The following CNTNAP2 variants were observed in gnomAD, a reference collection of about 807,000 sequenced individuals.
The protein encoded by CNTNAP2 is contactin-associated protein-like 2.
A neutral mutation model predicts 155.2 loss-of-function variants in CNTNAP2; 98 were observed. That is an observed-to-expected ratio of 0.63 (90% CI 0.54 to 0.75). The LOEUF is 0.75. Ranked by LOEUF, CNTNAP2 falls within the 30% of genes least tolerant of loss-of-function variation. The pLI, the probability that CNTNAP2 is intolerant of heterozygous loss-of-function variation, is 0.00. For synonymous variants in CNTNAP2, 651 were observed against 631.2 expected, an observed-to-expected ratio of 1.03 and a Z score of -0.47; for missense variants, 1,727 against 1,688.1, an observed-to-expected ratio of 1.02 and a Z score of -0.40.
chr7:147,603,925 A>G (rs1339366858), intron 12 of CNTNAP2, among the ~76,000 whole-genome samples: 2 of 151,488 alleles, frequency 1.3e-5, no homozygotes, highest in African/African-American at 4.8e-5. Flanking sequence ...CCGCATATCT[A>G]CAACTATCTG....
chr7:147,854,814 C>A (rs1257387944), intron 13 of CNTNAP2, among the ~76,000 whole-genome samples: 11 of 152,042 alleles, frequency 7.2e-5, no homozygotes, highest in Admixed American at 6.6e-4. Flanking sequence ...CTTTTTCAAC[C>A]ATAAGCTACA....
chr7:148,125,697 A>G (rs1232731047), intron 16 of CNTNAP2, among the ~76,000 whole-genome samples: 50 of 144,696 alleles, frequency 3.5e-4, no homozygotes, highest in African/African-American at 9.5e-4. Flanking sequence ...GTGTATATAT[A>G]TATAGTTTTT....
intron 13 of CNTNAP2, among the ~76,000 whole-genome samples, chr7:147,720,034 C>T (rs1796540902): frequency 6.6e-6 from 1 of 151,998 alleles, no homozygotes; most frequent in Non-Finnish European, 1.5e-5. Flanking sequence ...ACCTGATCTT[C>T]ACTCATATTC....
chr7:147,776,852 AATG>A (rs1282380601), intron 13 of CNTNAP2, among the ~76,000 whole-genome samples: 2 of 151,246 alleles, frequency 1.3e-5, no homozygotes, highest in Non-Finnish European at 3.0e-5. Context: ...AGTCCTTCCT[AATG>A]ATGTTTTATT....
intron 2 of CNTNAP2, among the ~76,000 whole-genome samples, chr7:146,800,898 C>G (rs1400998559): frequency 6.6e-6 from 1 of 151,820 alleles, no homozygotes; most frequent in Non-Finnish European, 1.5e-5. Context: ...TTCCCACATG[C>G]AATGTGGGAA....
intron 8 of CNTNAP2, among the ~76,000 whole-genome samples, chr7:147,173,142 T>C (rs1039630908): frequency 6.6e-6 from 1 of 152,194 alleles, no homozygotes; most frequent in African/African-American, 2.4e-5. Flanking sequence ...CTTGATGGTA[T>C]TAAAGTCTGC....
At chr7:147,870,877 T>C (rs1799315721) in intron 13 of CNTNAP2, among the ~76,000 whole-genome samples, 1 of 152,114 alleles carries the variant, frequency 6.6e-6, no homozygotes, top group South Asian at 2.1e-4. Context: ...ACCTCCGTGG[T>C]CTGAGGATAG....
intron 21 of CNTNAP2, among the ~76,000 whole-genome samples, chr7:148,305,592 T>A (rs1677966143): frequency 6.6e-6 from 1 of 152,204 alleles, no homozygotes; most frequent in African/African-American, 2.4e-5. Context: ...CTAAGACGCC[T>A]CAGGAAACTT....
intron 1 of CNTNAP2, among the ~76,000 whole-genome samples, chr7:146,646,421 G>T (rs1799812798): frequency 6.6e-6 from 1 of 151,926 alleles, no homozygotes; most frequent in Admixed American, 6.6e-5. Flanking sequence ...GAGGGTTCAG[G>T]TATAAATAAA....
At chr7:146,160,557 G>A (rs1017128493) in intron 1 of CNTNAP2, among the ~76,000 whole-genome samples, 25 of 152,176 alleles carry the variant, frequency 1.6e-4, no homozygotes, top group African/African-American at 5.8e-4. Flanking sequence ...ACTATGATCA[G>A]AGAATACTAC....
In CNTNAP2 at chr7:146,297,162, A is replaced by C. The variant is rs1800527839; in HGVS notation, c.97+180189A>C. On this transcript the variant is annotated intron_variant, in intron 1 of 23. Coordinates refer to ENST00000361727, the MANE Select transcript of CNTNAP2 (RefSeq NM_014141.6). The stretch of plus-strand genomic sequence containing the variant: ...ATTTCCATCATTTGTTCATTGTAAC[A>C]TTTCCCAATACTTATAGATGATATA... Among the ~76,000 whole-genome samples, 3 of 152,134 alleles carry C rather than the reference A, an allele frequency of 2.0e-5. No homozygotes were observed. The South Asian group carries it at 6.2e-4, about 31-fold the overall frequency.
intron 1 of CNTNAP2, among the ~76,000 whole-genome samples, chr7:146,262,706 G>T (rs1464915418): frequency 6.6e-6 from 1 of 152,178 alleles, no homozygotes; most frequent in Non-Finnish European, 1.5e-5. Flanking sequence ...GTGTGAAAAT[G>T]AGGGGAAGTT....
At chr7:146,776,838 T>C (rs536873495) in intron 2 of CNTNAP2, among the ~76,000 whole-genome samples, 1 of 152,324 alleles carries the variant, frequency 6.6e-6, no homozygotes, top group Admixed American at 6.5e-5. Context: ...TATCTACTCA[T>C]ACAGAGAGAG....
intron 3 of CNTNAP2, among the ~76,000 whole-genome samples, chr7:146,886,962 T>C (rs1795677526): frequency 6.6e-6 from 1 of 151,846 alleles, no homozygotes; most frequent in African/African-American, 2.4e-5. Context: ...CAGTGGATCA[T>C]AGGAAATAGA....
At chr7:148,368,191 A>G (rs922170001) in intron 21 of CNTNAP2, among the ~76,000 whole-genome samples, 3 of 152,218 alleles carry the variant, frequency 2.0e-5, no homozygotes, top group Non-Finnish European at 4.4e-5. Context: ...TAGCTCTGAC[A>G]GTGCCACAAG....
At chr7:146,580,996 C>T (rs750342828) in intron 1 of CNTNAP2, among the ~76,000 whole-genome samples, 11 of 152,128 alleles carry the variant, frequency 7.2e-5, no homozygotes, top group Non-Finnish European at 1.5e-4. Context: ...GATAGAACCA[C>T]TTGTCAAATA....
At chr7:146,486,046 C>CTTTT (rs71175651) in intron 1 of CNTNAP2, among the ~76,000 whole-genome samples, 1 of 42,572 alleles carries the variant, frequency 2.3e-5, no homozygotes, top group Non-Finnish European at 4.4e-5. Context: ...CCACAGCAGT[C>CTTTT]TTTTTTTTTT....
intron 15 of CNTNAP2, among the ~76,000 whole-genome samples, chr7:148,081,042 T>C (rs1803593952): frequency 1.3e-5 from 2 of 152,210 alleles, no homozygotes; most frequent in African/African-American, 4.8e-5. Context: ...ATTTATATCA[T>C]GCATCTGCTA....
At chr7:146,258,880 T>A (rs1184151621) in intron 1 of CNTNAP2, among the ~76,000 whole-genome samples, 1 of 152,166 alleles carries the variant, frequency 6.6e-6, no homozygotes, top group Non-Finnish European at 1.5e-5. Context: ...ATAAGCCATG[T>A]TTCTTAATTA....
Sources: allele counts gnomAD v4.1 joint callset (sites outside exome capture counted in the v4.1 genomes callset), GRCh38; gene constraint gnomAD v4.1.1; transcripts MANE v1.5; gene names NCBI Gene and HGNC (gene_info 2026-07-23, HGNC 2026-07-21).